ARPP21: variants seen among roughly 807,000 people sequenced by gnomAD.
ARPP21 encodes cAMP-regulated phosphoprotein 21.
A neutral mutation model predicts 113.2 loss-of-function variants in ARPP21; 69 were observed. The ratio of observed to expected loss-of-function variants is 0.61; its 90% confidence interval spans 0.50 to 0.74. The LOEUF (loss-of-function observed/expected upper bound fraction) is 0.74, where lower values mean the gene tolerates loss of function less well. Ranked by LOEUF, ARPP21 falls within the 30% of genes least tolerant of loss-of-function variation. The pLI, the probability that ARPP21 is intolerant of heterozygous loss-of-function variation, is 0.00. For synonymous variants in ARPP21, 368 were observed against 375.5 expected (o/e 0.98, Z 0.23); for missense variants, 1,070 against 1,037.4 (o/e 1.03, Z -0.43).
chr3:35,751,702 G>A (rs76942770), intron 19 of ARPP21, among the ~76,000 whole-genome samples: 6,256 of 152,230 alleles, frequency 0.041, 192 homozygotes, highest in Non-Finnish European at 0.07. Flanking sequence ...AATGAGGAAA[G>A]TGAGGCTAGA....
intron 17 of ARPP21, 33 bp from the exon 18 acceptor site, chr3:35,739,284 G>A (rs1032520714): frequency 1.2e-6 from 2 of 1,601,922 alleles, no homozygotes; most frequent in Non-Finnish European, 1.7e-6. Context: ...AGCTGATCCT[G>A]TGAATTCCCT....
chr3:35,763,903 C>T (rs570074843), intron 19 of ARPP21, among the ~76,000 whole-genome samples: 1 of 152,192 alleles, frequency 6.6e-6, no homozygotes, highest in South Asian at 2.1e-4. Context: ...GTAGCTCATG[C>T]CTGTAATCCC....
rs1334671625 is a variant in ARPP21 at position 35,644,760 on chromosome 3, T to G, written c.-213+4362T>G. The stretch of plus-strand genomic sequence containing the variant: ...TCCTTAGCATCATATTATGCTCCTG[T>G]TTTTTAGTCACCAGTATAGATCCTG... On this transcript the variant is annotated intron_variant, in intron 1 of 20. Coordinates refer to ENST00000684406, the MANE Select transcript of ARPP21 (RefSeq NM_001385562.1). Among the ~76,000 whole-genome samples, 4 of 151,920 alleles carry G rather than the reference T, an allele frequency of 2.6e-5. No homozygotes were observed. The East Asian group carries it at 5.8e-4, about 22-fold the overall frequency.
chr3:35,715,198 C>T lies in ARPP21; in HGVS notation c.898-241C>T, dbSNP rs140537275. ...ATTTCTCTTCTTCTGACCTCCATGC[C>T]GAACAGACTAAATCTAAAACCTGGA... On this transcript the variant is annotated intron_variant, in intron 11 of 20. Transcript: ENST00000684406. The T allele has an allele frequency of 1.8e-3, 734 of 417,306 alleles. 3 individuals are homozygous for T. The highest frequency in any genetic ancestry group is 0.012 in the African/African-American group (624 of 50,158). The allele number at this position is 417,306 out of a possible 1,614,324, so 25.9% of individuals were successfully genotyped here.
At chr3:35,704,138 G>T (rs1246566680) in intron 9 of ARPP21, among the ~76,000 whole-genome samples, 2 of 151,442 alleles carry the variant, frequency 1.3e-5, no homozygotes, top group African/African-American at 4.8e-5. Flanking sequence ...CAATATTTCT[G>T]GAAAAATACA....
intron 14 of ARPP21, 40 bp from the exon 15 acceptor site, chr3:35,729,263 C>G: frequency 1.4e-6 from 2 of 1,405,520 alleles, no homozygotes; most frequent in Non-Finnish European, 2.0e-6. Context: ...TCTCTCATCT[C>G]TGTGTGTTCA....
At chr3:35,746,243 A>G (rs939478115) in intron 19 of ARPP21, among the ~76,000 whole-genome samples, 2 of 152,186 alleles carry the variant, frequency 1.3e-5, no homozygotes, top group African/African-American at 4.8e-5. Flanking sequence ...CCCTGACCTT[A>G]CAGAGAATCA....
chr3:35,661,397 G>T (rs200344789), intron 1 of ARPP21, among the ~76,000 whole-genome samples: 727 of 66,792 alleles, frequency 0.011, 4 homozygotes, highest in African/African-American at 0.026. Context: ...AAGAGGAAAA[G>T]AGATAAAGTG....
At chr3:35,664,196 G>T (rs1462792156) in intron 1 of ARPP21, among the ~76,000 whole-genome samples, 1 of 152,074 alleles carries the variant, frequency 6.6e-6, no homozygotes, top group Non-Finnish European at 1.5e-5. Flanking sequence ...ACATATTTAT[G>T]GGGTATAATG....
At chr3:35,642,183 A>G (rs1698316239) in intron 1 of ARPP21, 1 of 152,156 alleles carries the variant, frequency 6.6e-6, no homozygotes, top group Non-Finnish European at 1.5e-5. Context: ...AGATTTGCAA[A>G]TTGCTGATCT....
rs2094418196 is a variant in ARPP21, at chr3:35,737,322, A to G, written c.1604A>G (p.Gln535Arg). Residue 535 changes from glutamine (Q) to arginine (R), a missense_variant, in exon 16 of 21, where the codon CAG becomes CGG. Transcript: ENST00000684406. ...QPSPQPQQQV[Q>R]PPQPQMAGPL... ...TCCCCGCAGCCCCAACAGCAGGTCC[A>G]GCCACCGCAGCCACAGATGGCAGGC... The G allele has an allele frequency of 6.2e-7, 1 of 1,611,498 alleles. No homozygotes were observed. The highest frequency in any genetic ancestry group is 8.5e-7 in the Non-Finnish European group (1 of 1,178,726).
At chr3:35,759,360 T>G (rs1559875899) in intron 19 of ARPP21, among the ~76,000 whole-genome samples, 1 of 152,090 alleles carries the variant, frequency 6.6e-6, no homozygotes. Context: ...TCCTGTATCT[T>G]TTACTTACTC....
chr3:35,695,702 T>C (rs1300125829), intron 9 of ARPP21, among the ~76,000 whole-genome samples: 1 of 151,394 alleles, frequency 6.6e-6, no homozygotes, highest in African/African-American at 2.4e-5. Context: ...TAAACAAATG[T>C]AGTAAGGAGG....
chr3:35,729,446 G>A lies in ARPP21; in HGVS notation c.1369G>A (p.Val457Ile). ...PYPENGIGGQ[V>I]APSSTSYILL... Reference sequence around the variant, plus strand: ...TCCAGAGAATGGAATAGGGGGCCAGGTTGCTCCCAGCAGCACCAGCTACAT... The same window carrying A: ...TCCAGAGAATGGAATAGGGGGCCAGATTGCTCCCAGCAGCACCAGCTACAT... Residue 457 changes from valine to isoleucine, a missense_variant, in exon 15 of 21, where the codon GTT (valine) becomes ATT (isoleucine). Physicochemically the swap from Val to Ile is conservative, Grantham distance 29. Coordinates refer to ENST00000684406, the MANE Select transcript of ARPP21 (RefSeq NM_001385562.1). The A allele has an allele frequency of 1.2e-6, 2 of 1,614,162 alleles. No individual in the cohort carries two copies. Among genetic ancestry groups the A allele is most frequent in the Non-Finnish European group, 1.7e-6 (2 of 1,180,030 alleles).
intron 19 of ARPP21, among the ~76,000 whole-genome samples, chr3:35,760,953 C>G (rs1325297490): frequency 6.6e-6 from 1 of 152,088 alleles, no homozygotes; most frequent in Non-Finnish European, 1.5e-5. Context: ...GTGCATTTCT[C>G]TAGTCTCTTT....
intron 14 of ARPP21, among the ~76,000 whole-genome samples, chr3:35,726,021 T>C (rs1454387639): frequency 6.6e-6 from 1 of 152,214 alleles, no homozygotes; most frequent in East Asian, 1.9e-4. Context: ...TGCCACAAAC[T>C]GAGCTTTGGG....
rs908509763 is a variant in ARPP21 at position 35,739,509 on chromosome 3, A to G, written c.1942A>G (p.Ile648Val). 12 of 1,613,748 alleles carry G rather than the reference A, an allele frequency of 7.4e-6. No individual in the cohort carries two copies. The African/African-American group carries it at 1.1e-4, about 14-fold the overall frequency. The change falls in exon 18 of 21, where the codon ATC becomes GTC. Residue 648 changes from isoleucine to valine, a missense_variant. Physicochemically the swap from Ile to Val is conservative, Grantham distance 29. Coordinates refer to ENST00000684406, the MANE Select transcript of ARPP21 (RefSeq NM_001385562.1). ...AGGATTCTCAGGCTCTGGCCCTCCC[A>G]TCTCCCAGCAGGTCCTCCAGCCCCC... ...TGGFSGSGPP[I>V]SQQVLQPPPS...
intron 1 of ARPP21, among the ~76,000 whole-genome samples, chr3:35,665,635 A>G (rs1335923575): frequency 1.3e-5 from 2 of 152,186 alleles, no homozygotes; most frequent in East Asian, 3.9e-4. Context: ...CATTTCCTAT[A>G]TTTGAGAAAC....
chr3:35,679,136 C>T (rs966313933), intron 1 of ARPP21, among the ~76,000 whole-genome samples: 1 of 151,870 alleles, frequency 6.6e-6, no homozygotes, highest in African/African-American at 2.4e-5. Context: ...CAGTGGCAAT[C>T]CCGATGGGGA....
Sources: allele counts gnomAD v4.1 joint callset (sites outside exome capture counted in the v4.1 genomes callset), GRCh38; gene constraint gnomAD v4.1.1; transcripts MANE v1.5; gene names NCBI Gene and HGNC (gene_info 2026-07-23, HGNC 2026-07-21).